TJP2: variants seen among roughly 807,000 people sequenced by gnomAD.
The protein encoded by TJP2 is Friedreich ataxia region gene X104 (tight junction protein ZO-2).
TJP2 carries 91 observed loss-of-function variants against 133.1 expected under a neutral mutation model. That is an observed-to-expected ratio of 0.68 (90% confidence interval 0.58 to 0.81). The LOEUF is 0.81. TJP2 is among the 40% of genes least tolerant of loss of function. The pLI, the probability that TJP2 is intolerant of heterozygous loss-of-function variation, is 0.00. For missense variants in TJP2, 1,541 were observed against 1,565.6 expected (o/e 0.98, Z 0.26); for synonymous variants, 592 against 583.4 (o/e 1.01, Z -0.21).
intron 2 of TJP2, among the ~76,000 whole-genome samples, chr9:69,165,401 G>C (rs1280463816): frequency 6.6e-6 from 1 of 152,222 alleles, no homozygotes; most frequent in African/African-American, 2.4e-5. Flanking sequence ...GTCTCCCAAA[G>C]TGCTGTGATT....
intron 7 of TJP2, 72 bp from the exon 8 acceptor site, chr9:69,227,693 A>G: frequency 9.7e-7 from 1 of 1,032,804 alleles, no homozygotes; most frequent in Admixed American, 2.1e-5. Context: ...CCCAGAGAAT[A>G]GTGCAATTTC....
chr9:69,202,153 C>G (rs1318147870), intron 1 of TJP2, among the ~76,000 whole-genome samples: 7 of 152,158 alleles, frequency 4.6e-5, no homozygotes, highest in Non-Finnish European at 1.0e-4. Context: ...ATCAAGGCAA[C>G]AGCAGATTTG....
chr9:69,136,511 A>G (rs73647084), intron 1 of TJP2, among the ~76,000 whole-genome samples: 2,892 of 152,356 alleles, frequency 0.019, 99 homozygotes, highest in African/African-American at 0.066. Context: ...TTGAGAAAAT[A>G]TAGAACCATT....
chr9:69,211,619 G>C (rs1222024525), intron 1 of TJP2, among the ~76,000 whole-genome samples: 1 of 152,166 alleles, frequency 6.6e-6, no homozygotes, highest in Admixed American at 6.5e-5. Flanking sequence ...GCCCCAGTAG[G>C]CATGAGTGTT....
intron 1 of TJP2, among the ~76,000 whole-genome samples, chr9:69,193,962 G>T (rs1162211692): frequency 2.0e-5 from 3 of 152,070 alleles, no homozygotes; most frequent in African/African-American, 4.8e-5. Flanking sequence ...CAGTTATTAC[G>T]TTTATGGTAT....
chr9:69,145,787 C>T, intron 1 of TJP2: 1 of 1,232,022 alleles, frequency 8.1e-7, no homozygotes, highest in Non-Finnish European at 1.0e-6. Context: ...TACCTGAGAG[C>T]AGAAGACACG....
At chr9:69,205,454 CT>C in intron 1 of TJP2, 1 of 939,626 alleles carries the variant, frequency 1.1e-6, no homozygotes, top group Non-Finnish European at 1.5e-6. Flanking sequence ...CTGATAGCCT[CT>C]TACTGGATCT....
intron 10 of TJP2, 132 bp from the exon 11 acceptor site, chr9:69,229,950 A>G (rs1174073363): frequency 9.1e-6 from 11 of 1,208,382 alleles, no homozygotes; most frequent in Non-Finnish European, 1.3e-5. Flanking sequence ...GATAGATGAG[A>G]AAAATGAGAG....
At chr9:69,254,134 C>T in intron 22 of TJP2, 75 bp from the exon 23 acceptor site, 1 of 1,555,080 alleles carries the variant, frequency 6.4e-7, no homozygotes, top group Non-Finnish European at 8.9e-7. Flanking sequence ...TCACTGTGCT[C>T]AGAGCCATGC....
chr9:69,214,353 TG>T (rs906967914), intron 2 of TJP2, among the ~76,000 whole-genome samples: 14 of 152,298 alleles, frequency 9.2e-5, no homozygotes, highest in African/African-American at 3.1e-4. Flanking sequence ...CCCGAAGTGC[TG>T]GGATTACAGG....
At chr9:69,207,583 A>T (rs1046634655) in intron 1 of TJP2, among the ~76,000 whole-genome samples, 1 of 152,200 alleles carries the variant, frequency 6.6e-6, no homozygotes, top group African/African-American at 2.4e-5. Context: ...TAGAGGAATC[A>T]CTGGGTCGTG....
In TJP2 at chr9:69,124,845, T is replaced by C. The variant is rs1822264740; in HGVS notation, c.-131+3120T>C. The stretch of plus-strand genomic sequence containing the variant: ...ACATGAGAAAACATTTCTTAGAAAA[T>C]GTCCAGTGAATGGTTTTATCAGTGA... On this transcript the variant is annotated intron_variant, in intron 1 of 5. Transcript: ENST00000423935. Among the ~76,000 whole-genome samples, 2 of 77,474 alleles carry C rather than the reference T, an allele frequency of 2.6e-5. 1 individual carries two copies. Among genetic ancestry groups the C allele is most frequent in the South Asian group, 7.1e-4 (2 of 2,828 alleles). The allele number at this position is 77,474 out of a possible 152,430, so 50.8% of individuals were successfully genotyped here.
chr9:69,168,184 G>A (rs1824463698), intron 2 of TJP2, among the ~76,000 whole-genome samples: 1 of 152,150 alleles, frequency 6.6e-6, no homozygotes, highest in South Asian at 2.1e-4. Flanking sequence ...TTCTTAGAGT[G>A]GTTTAGAATG....
intron 2 of TJP2, among the ~76,000 whole-genome samples, chr9:69,160,234 C>T (rs1465303380): frequency 6.6e-6 from 1 of 152,106 alleles, no homozygotes; most frequent in Non-Finnish European, 1.5e-5. Context: ...TAGATCATGT[C>T]TCAGTGACAG....
At position 69,234,309 on chromosome 9, in the gene TJP2, G is replaced by C. The variant is rs143749310; in HGVS notation, c.1672-130G>C. The C allele has an allele frequency of 4.0e-6, 3 of 748,826 alleles. No individual in the cohort carries two copies. The East Asian group carries it at 8.0e-5, about 20-fold the overall frequency. The allele number at this position is 748,826 out of a possible 1,614,324, so 46.4% of individuals were successfully genotyped here. A position where few individuals can be genotyped will look rare whatever the true frequency, so the allele number is the denominator to read the frequency against. On this transcript the variant is annotated intron_variant, in intron 11 of 22. Coordinates refer to ENST00000377245, the MANE Select transcript of TJP2 (RefSeq NM_004817.4). ...TCATTTGCATCTTGGCTTTGCTCTG[G>C]ACAGGCCCTGATGAAAACAAACAAA...
intron 1 of TJP2, among the ~76,000 whole-genome samples, chr9:69,179,097 T>C (rs1276679657): frequency 1.3e-5 from 2 of 152,150 alleles, no homozygotes; most frequent in African/African-American, 4.8e-5. Context: ...GAGAGATGCA[T>C]GCTCATGGCA....
At chr9:69,129,530 G>A (rs1048639400) in intron 1 of TJP2, among the ~76,000 whole-genome samples, 5 of 151,820 alleles carry the variant, frequency 3.3e-5, no homozygotes, top group African/African-American at 7.3e-5. Flanking sequence ...AAAAAACCCC[G>A]TCAATTCTAC....
rs201151091 is a variant in TJP2 at position 69,230,214 on chromosome 9, A to T, written c.1653A>T (p.Glu551Asp). The stretch of plus-strand genomic sequence containing the variant: ...CGGCGGAGCAGGAGGGCCTTCAAGA[A>T]GGAGACCAGATTCTGAAGGTAAGAA... ...GTSAEQEGLQ[E>D]GDQILKVNTQ... The change falls in exon 11 of 23, where the codon GAA (glutamate) becomes GAT (aspartate). Residue 551 changes from glutamate to aspartate, a missense_variant. Transcript: ENST00000377245. 2 of 1,614,170 alleles carry T rather than the reference A, an allele frequency of 1.2e-6. No individual in the cohort carries two copies. Among genetic ancestry groups the T allele is most frequent in the Non-Finnish European group, 1.7e-6 (2 of 1,180,014 alleles).
At chr9:69,169,864 C>T (rs117108766), upstream of TJP2, among the ~76,000 whole-genome samples, 6,115 of 152,222 alleles carry the variant, frequency 0.04, 157 homozygotes, top group South Asian at 0.089. Flanking sequence ...TTTTTTGAGA[C>T]AGTGTCTCTC....
Sources: gnomAD v4.1 joint callset for allele counts (sites outside exome capture counted in the v4.1 genomes callset) on GRCh38, gnomAD v4.1.1 for gene constraint, MANE v1.5 for transcripts, NCBI Gene and HGNC (gene_info 2026-07-23, HGNC 2026-07-21) for gene names.